Variants in PRKCH observed in about 807,000 individuals in gnomAD.
PRKCH encodes protein kinase C eta type.
A neutral mutation model predicts 82.5 loss-of-function variants in PRKCH; 28 were observed. The observed-to-expected ratio is 0.34, with a 90% CI of 0.25 to 0.47. PRKCH has a LOEUF of 0.47. PRKCH is among the 20% of genes least tolerant of loss of function. PRKCH has a pLI of 1.00. For missense variants in PRKCH, 705 were observed against 881.8 expected, an observed-to-expected ratio of 0.80 and a Z score of 2.54; for synonymous variants, 322 against 327.4, an observed-to-expected ratio of 0.98 and a Z score of 0.18.
At chr14:61,256,085 C>G (rs971701097) in intron 1 of PRKCH, among the ~76,000 whole-genome samples, 13 of 152,150 alleles carry the variant, frequency 8.5e-5, no homozygotes, top group Non-Finnish European at 1.5e-5. Context: ...GTGACAATTT[C>G]AAGGTTTTAT....
chr14:61,339,513 C>T (rs1167097313), intron 1 of PRKCH, among the ~76,000 whole-genome samples: 2 of 148,930 alleles, frequency 1.3e-5, no homozygotes, highest in Admixed American at 6.7e-5. Flanking sequence ...TTAGTAGAGA[C>T]GGGGTTTCAC....
chr14:61,357,576 C>G (rs1594942716), intron 1 of PRKCH, among the ~76,000 whole-genome samples: 1 of 152,302 alleles, frequency 6.6e-6, no homozygotes, highest in East Asian at 1.9e-4. Flanking sequence ...CAAATGTTCT[C>G]TGCGTTTTCC....
At chr14:61,322,823 C>T (rs1199791478) in intron 1 of PRKCH, 2 of 233,732 alleles carry the variant, frequency 8.6e-6, no homozygotes, top group Non-Finnish European at 1.7e-5. Flanking sequence ...AGGAGTGATA[C>T]AAAAGGGACT....
chr14:61,461,504 C>T (rs1297884383), intron 9 of PRKCH, among the ~76,000 whole-genome samples: 1 of 152,194 alleles, frequency 6.6e-6, no homozygotes, highest in Non-Finnish European at 1.5e-5. Context: ...CCAAACATCA[C>T]ATGGTTTCCT....
At chr14:61,301,601 G>A (rs1223370850) in intron 1 of PRKCH, among the ~76,000 whole-genome samples, 1 of 152,174 alleles carries the variant, frequency 6.6e-6, no homozygotes, top group Non-Finnish European at 1.5e-5. Flanking sequence ...CAAAACTTTG[G>A]GAGGCTAAGG....
chr14:61,328,182 G>A (rs1014581187), intron 1 of PRKCH, among the ~76,000 whole-genome samples: 1 of 149,566 alleles, frequency 6.7e-6, no homozygotes, highest in Non-Finnish European at 1.5e-5. Flanking sequence ...CCCGGGAAGC[G>A]GAGCTTGCAG....
intron 1 of PRKCH, among the ~76,000 whole-genome samples, chr14:61,274,257 A>C (rs547264311): frequency 6.6e-6 from 1 of 152,222 alleles, no homozygotes; most frequent in Non-Finnish European, 1.5e-5. Flanking sequence ...GGCCTCTTTA[A>C]ATCATTCAAT....
At chr14:61,413,293 C>G (rs1270971954) in intron 2 of PRKCH, among the ~76,000 whole-genome samples, 2 of 151,440 alleles carry the variant, frequency 1.3e-5, no homozygotes, top group Non-Finnish European at 1.5e-5. Flanking sequence ...TTGGGCACCT[C>G]AAACGACTGC....
At chr14:61,414,108 G>A (rs769138152) in intron 2 of PRKCH, among the ~76,000 whole-genome samples, 8 of 151,908 alleles carry the variant, frequency 5.3e-5, no homozygotes, top group African/African-American at 9.7e-5. Flanking sequence ...TCTTCAGCCC[G>A]CCGCTGTCCC....
intron 9 of PRKCH, among the ~76,000 whole-genome samples, chr14:61,476,991 C>T (rs950211522): frequency 4.6e-5 from 7 of 152,196 alleles, no homozygotes; most frequent in South Asian, 2.1e-4. Context: ...TTTCCTCATG[C>T]GGGTGCTTTT....
intron 10 of PRKCH, among the ~76,000 whole-genome samples, chr14:61,516,523 A>G (rs1290257535): frequency 6.6e-6 from 1 of 152,214 alleles, no homozygotes. Flanking sequence ...TTCTTCAGAC[A>G]GTGTCTCCAC....
intron 1 of PRKCH, among the ~76,000 whole-genome samples, chr14:61,373,828 T>C (rs7143431): frequency 1 from 152,107 of 152,220 alleles, 75,999 homozygotes; most frequent in Non-Finnish European, 1. Context: ...GTCGCAAACT[T>C]CTGACCTCAA....
intron 1 of PRKCH, among the ~76,000 whole-genome samples, chr14:61,341,042 A>G (rs761516057): frequency 6.6e-6 from 1 of 152,180 alleles, no homozygotes; most frequent in Non-Finnish European, 1.5e-5. Context: ...ATCTAGTTGT[A>G]TTCCCTCAAA....
At chr14:61,188,693 GA>G in intron 1 of PRKCH, among the ~76,000 whole-genome samples, 1 of 98,182 alleles carries the variant, frequency 1.0e-5, no homozygotes, top group Non-Finnish European at 2.2e-5. Context: ...CTCACCCCCA[GA>G]CGTTGCTGTA....
intron 1 of PRKCH, among the ~76,000 whole-genome samples, chr14:61,231,937 C>A (rs1351840766): frequency 1.3e-5 from 2 of 152,194 alleles, no homozygotes; most frequent in Non-Finnish European, 2.9e-5. Flanking sequence ...AGTAATCCTC[C>A]AGCAACAGAC....
intron 10 of PRKCH, among the ~76,000 whole-genome samples, chr14:61,494,234 A>G (rs936444747): frequency 3.3e-5 from 5 of 152,164 alleles, no homozygotes; most frequent in Non-Finnish European, 4.4e-5. Flanking sequence ...CTTAAATGGA[A>G]CAGTGTGAGT....
intron 1 of PRKCH, chr14:61,278,050 A>C (rs2045220340): frequency 6.6e-6 from 1 of 152,224 alleles, no homozygotes; most frequent in Non-Finnish European, 1.5e-5. Context: ...CATATTCGTT[A>C]ATTTAACCAG....
At chr14:61,484,291 C>CTTTTTTTTTTT (rs71449556) in intron 9 of PRKCH, among the ~76,000 whole-genome samples, 7 of 86,378 alleles carry the variant, frequency 8.1e-5, no homozygotes, top group Non-Finnish European at 1.1e-4. Flanking sequence ...GCTTGTGTCA[C>CTTTTTTTTTTT]TTTTTTTTTT....
intron 1 of PRKCH, among the ~76,000 whole-genome samples, chr14:61,310,883 C>T (rs537582657): frequency 1.3e-4 from 20 of 152,372 alleles, no homozygotes; most frequent in African/African-American, 4.6e-4. Context: ...GACTTCTGTG[C>T]ACCTGCAGGC....
Sources: allele counts gnomAD v4.1 joint callset (sites outside exome capture counted in the v4.1 genomes callset), GRCh38; gene constraint gnomAD v4.1.1; transcripts MANE v1.5; gene names NCBI Gene and HGNC (gene_info 2026-07-23, HGNC 2026-07-21).